SPAG9: variants seen among roughly 807,000 people sequenced by gnomAD.
SPAG9 encodes C-Jun-amino-terminal kinase-interacting protein 4.
SPAG9 carries 35 observed loss-of-function variants against 166.5 expected under a neutral mutation model. The observed-to-expected ratio is 0.21, with a 90% CI of 0.16 to 0.28. SPAG9 has a LOEUF of 0.28. SPAG9 is among the 10% of genes least tolerant of loss of function. The pLI is 1.00. For missense variants in SPAG9, 1,235 were observed against 1,603.3 expected, an observed-to-expected ratio of 0.77 and a Z score of 3.92; for synonymous variants, 534 against 565.5, an observed-to-expected ratio of 0.94 and a Z score of 0.79.
chr17:51,000,114 C>T (rs2044866864), intron 13 of SPAG9, among the ~76,000 whole-genome samples: 1 of 152,152 alleles, frequency 6.6e-6, no homozygotes, highest in Non-Finnish European at 1.5e-5. Flanking sequence ...GGAGCTCTCA[C>T]AAAATAGCTT....
chr17:51,118,982 C>A (rs1341274995), intron 1 of SPAG9, among the ~76,000 whole-genome samples: 1 of 136,622 alleles, frequency 7.3e-6, no homozygotes, highest in African/African-American at 2.8e-5. Flanking sequence ...TGCAGTGAGC[C>A]AAGATCACTC....
At chr17:51,078,613 C>CTT (rs1046509533) in intron 2 of SPAG9, among the ~76,000 whole-genome samples, 38 of 145,924 alleles carry the variant, frequency 2.6e-4, no homozygotes, top group African/African-American at 8.7e-4. Context: ...AGTTTCTCAC[C>CTT]TTTTTTTTTT....
chr17:50,994,586 T>C (rs1191738970), intron 18 of SPAG9, among the ~76,000 whole-genome samples: 1 of 152,108 alleles, frequency 6.6e-6, no homozygotes, highest in East Asian at 1.9e-4. Flanking sequence ...CCCTCGTCTC[T>C]ACAAAAAATA....
intron 4 of SPAG9, among the ~76,000 whole-genome samples, chr17:51,045,311 A>C (rs924217581): frequency 1.1e-4 from 17 of 152,200 alleles, no homozygotes; most frequent in Non-Finnish European, 2.5e-4. Context: ...TCTTAAGTTC[A>C]GTTGCTTTTA....
rs576221387 is a variant in SPAG9 at position 51,109,530 on chromosome 17, C to T, written c.303+10824G>A. Among the ~76,000 whole-genome samples, 4 of 152,074 alleles carry T rather than the reference C, an allele frequency of 2.6e-5. No homozygotes were observed. In the East Asian group the frequency reaches 5.8e-4, roughly 22 times the overall value. ...GATTACAGGCGTGAGCCACTGCGTC[C>T]GGCCTCAAATTTAAATTTCTTATAG... is the stretch of plus-strand genomic sequence containing the variant. On this transcript the variant is annotated intron_variant, in intron 1 of 29. Coordinates refer to ENST00000262013, the MANE Select transcript of SPAG9 (RefSeq NM_001130528.3).
At position 51,041,979 on chromosome 17, in the gene SPAG9, T is replaced by C. The variant is rs75625768; in HGVS notation, c.591-328A>G. Among the ~76,000 whole-genome samples, 575 of 152,284 alleles carry C rather than the reference T, an allele frequency of 3.8e-3. 2 individuals carry two copies. The highest frequency in any genetic ancestry group is 0.01 in the Middle Eastern group (3 of 294). On this transcript the variant is annotated intron_variant, in intron 4 of 29. Coordinates refer to ENST00000262013, the MANE Select transcript of SPAG9 (RefSeq NM_001130528.3). ...AGAGCTGCTGCTGGGTTTTTAACCA[T>C]ACGTAGCTTAGCCCTAGGGAACTTG...
chr17:51,078,578 T>C (rs1165442118), intron 2 of SPAG9, among the ~76,000 whole-genome samples: 1 of 151,988 alleles, frequency 6.6e-6, no homozygotes, highest in Non-Finnish European at 1.5e-5. Context: ...TGCCTACCTA[T>C]ATCAGACATG....
intron 2 of SPAG9, among the ~76,000 whole-genome samples, chr17:51,075,393 T>G (rs965586118): frequency 1.3e-5 from 2 of 152,078 alleles, no homozygotes; most frequent in African/African-American, 4.8e-5. Flanking sequence ...CTGCTTCTTT[T>G]TTGAGTGTGA....
At chr17:51,012,396 C>T (rs931162060) in intron 9 of SPAG9, among the ~76,000 whole-genome samples, 1 of 151,798 alleles carries the variant, frequency 6.6e-6, no homozygotes, top group Non-Finnish European at 1.5e-5. Flanking sequence ...ATAGTAAAAC[C>T]CCATCTCTAC....
chr17:51,056,417 T>C lies in SPAG9; in HGVS notation c.490A>G (p.Thr164Ala), dbSNP rs1362778902. The C allele has an allele frequency of 6.3e-7, 1 of 1,593,228 alleles. No homozygotes were observed. The highest frequency in any genetic ancestry group is 1.7e-5 in the Admixed American group (1 of 59,872). Residue 164 changes from threonine (T) to alanine (A), a missense_variant, in exon 3 of 30, where the codon ACT becomes GCT. Physicochemically the swap from Thr to Ala is moderately conservative, Grantham distance 58. Around this residue, in one of 6 missense-constraint regions of SPAG9, gnomAD observed 288 missense variants for 323.7 expected, o/e 0.89. Coordinates refer to ENST00000262013, the MANE Select transcript of SPAG9 (RefSeq NM_001130528.3). ...TGAAAAACCTAGAAACCCACCTCAG[T>C]GTGTCTTTGATGTAATGCATTATAT... ...KEYNALHQRH[T>A]EMIHNYMEHL...
intron 5 of SPAG9, among the ~76,000 whole-genome samples, chr17:51,037,350 G>A (rs1055684719): frequency 3.3e-5 from 5 of 151,962 alleles, no homozygotes; most frequent in Admixed American, 6.6e-5. Flanking sequence ...TAGGCCGGGC[G>A]CGGTGGCTCA....
intron 28 of SPAG9, among the ~76,000 whole-genome samples, chr17:50,972,826 C>A (rs1218651749): frequency 6.6e-6 from 1 of 152,228 alleles, no homozygotes. Flanking sequence ...AGTTCTGCCA[C>A]AGAAGCAAGA....
intron 6 of SPAG9, among the ~76,000 whole-genome samples, chr17:51,029,733 TA>T (rs1426189568): frequency 6.6e-6 from 1 of 152,120 alleles, no homozygotes; most frequent in African/African-American, 2.4e-5. Context: ...CATAGAAACA[TA>T]AAGTAAAATG....
intron 5 of SPAG9, among the ~76,000 whole-genome samples, chr17:51,035,152 AT>A (rs1164755135): frequency 6.6e-6 from 1 of 152,080 alleles, no homozygotes; most frequent in Non-Finnish European, 1.5e-5. Flanking sequence ...TGTAATAAAA[AT>A]TTTTTTTAAA....
intron 9 of SPAG9, among the ~76,000 whole-genome samples, chr17:51,012,061 G>A (rs1408595635): frequency 6.6e-6 from 1 of 152,062 alleles, no homozygotes; most frequent in Non-Finnish European, 1.5e-5. Context: ...CAGCATAAAG[G>A]AATTTTGTGG....
At chr17:51,086,258 G>A (rs1286309570) in intron 1 of SPAG9, among the ~76,000 whole-genome samples, 1 of 151,900 alleles carries the variant, frequency 6.6e-6, no homozygotes, top group Non-Finnish European at 1.5e-5. Context: ...GGGATTACAG[G>A]TGTGAGCCAC....
chr17:51,119,875 G>A (rs1161294508), intron 1 of SPAG9, among the ~76,000 whole-genome samples: 2 of 152,190 alleles, frequency 1.3e-5, no homozygotes, highest in African/African-American at 4.8e-5. Context: ...GAAACTGACC[G>A]AAAGAGGGAG....
intron 13 of SPAG9, 135 bp downstream of exon 13, chr17:51,001,580 T>A (rs1228201031): frequency 2.6e-6 from 2 of 783,714 alleles, no homozygotes; most frequent in East Asian, 3.0e-5. Context: ...TTCTGAGTGT[T>A]ACTTTAAAAA....
In SPAG9 at chr17:51,006,139, T is replaced by G. The variant is rs1461357746; in HGVS notation, c.1370A>C (p.Gln457Pro). Residue 457 changes from glutamine (Q) to proline (P), a missense_variant, in exon 11 of 30, where the codon CAA becomes CCA. This residue lies in a region of SPAG9 where 125 missense variants were observed against 194.0 expected (regional missense o/e 0.64). Coordinates refer to ENST00000262013, the MANE Select transcript of SPAG9 (RefSeq NM_001130528.3). Reference protein sequence around the residue: ...VLQGELEAVKQAKLKLEEKNR... With the variant: ...VLQGELEAVKPAKLKLEEKNR... ...CTTTTCCTCTAGTTTCAGTTTGGCT[T>G]GCTTCACAGCCTCCAATTCCCCTTG... 1 of 1,614,240 alleles carries G rather than the reference T, an allele frequency of 6.2e-7. No homozygotes were observed. The highest frequency in any genetic ancestry group is 8.5e-7 in the Non-Finnish European group (1 of 1,180,028).
Sources: allele counts gnomAD v4.1 joint callset (sites outside exome capture counted in the v4.1 genomes callset), GRCh38; gene constraint gnomAD v4.1.1; regional missense constraint gnomAD v4.1.1; transcripts MANE v1.5; gene names NCBI Gene and HGNC (gene_info 2026-07-23, HGNC 2026-07-21).